PREX2: variants seen among roughly 807,000 people sequenced by gnomAD.
PREX2 encodes phosphatidylinositol 3,4,5-trisphosphate-dependent Rac exchanger 2 protein.
A neutral mutation model predicts 203.2 loss-of-function variants in PREX2; 107 were observed. The observed-to-expected ratio is 0.53, with a 90% CI of 0.45 to 0.62. PREX2 has a LOEUF of 0.62. Ranked by LOEUF, PREX2 falls within the 20% of genes least tolerant of loss-of-function variation. PREX2 has a pLI of 0.00. For synonymous variants in PREX2, 672 were observed against 663.6 expected (o/e 1.01, Z -0.19); for missense variants, 1,777 against 1,955.9 (o/e 0.91, Z 1.72).
At chr8:68,097,272 C>A in intron 22 of PREX2, 71 bp downstream of exon 22, 1 of 1,288,692 alleles carries the variant, frequency 7.8e-7, no homozygotes, top group Non-Finnish European at 1.1e-6. Flanking sequence ...CTCTCCTTCA[C>A]TTAAAAAAAT....
At chr8:68,035,363 C>G (rs1341964379) in intron 6 of PREX2, among the ~76,000 whole-genome samples, 1 of 152,132 alleles carries the variant, frequency 6.6e-6, no homozygotes, top group East Asian at 1.9e-4. Context: ...GTGAATGCAT[C>G]TAGCTCGGTT....
chr8:68,047,375 G>A (rs1808383147), intron 8 of PREX2, among the ~76,000 whole-genome samples: 1 of 148,690 alleles, frequency 6.7e-6, no homozygotes, highest in Non-Finnish European at 1.5e-5. Context: ...GTTAAATGAG[G>A]GATAAACAGA....
At chr8:68,025,085 C>T (rs139170477) in intron 4 of PREX2, among the ~76,000 whole-genome samples, 1 of 152,010 alleles carries the variant, frequency 6.6e-6, no homozygotes, top group Non-Finnish European at 1.5e-5. Context: ...TTTACCATCT[C>T]TGGTGCTCTT....
At chr8:68,177,854 C>G (rs936828433) in intron 35 of PREX2, among the ~76,000 whole-genome samples, 1 of 152,066 alleles carries the variant, frequency 6.6e-6, no homozygotes, top group Non-Finnish European at 1.5e-5. Flanking sequence ...GTGTTCTCAG[C>G]GTTTAGCTTC....
intron 20 of PREX2, among the ~76,000 whole-genome samples, chr8:68,092,812 G>A (rs1483655397): frequency 6.6e-6 from 1 of 152,008 alleles, no homozygotes; most frequent in Non-Finnish European, 1.5e-5. Context: ...TCTCACAATT[G>A]TTTTATTTTG....
intron 2 of PREX2, 66 bp downstream of exon 2, chr8:68,017,983 A>G (rs757473550): frequency 2.3e-5 from 28 of 1,200,206 alleles, no homozygotes; most frequent in Non-Finnish European, 2.8e-5. Context: ...TGCTGGTGCC[A>G]TGGTACTTCA....
chr8:68,159,718 C>G (rs1038075277), intron 35 of PREX2, among the ~76,000 whole-genome samples: 6 of 152,132 alleles, frequency 3.9e-5, no homozygotes, highest in African/African-American at 1.4e-4. Flanking sequence ...CTGATTATAT[C>G]TGAAACTATG....
At chr8:68,176,935 T>C (rs1230733970) in intron 35 of PREX2, 2 of 151,716 alleles carry the variant, frequency 1.3e-5, no homozygotes, top group Non-Finnish European at 2.9e-5. Flanking sequence ...GATTTCACAC[T>C]AGTAAACATT....
intron 1 of PREX2, among the ~76,000 whole-genome samples, chr8:68,016,910 G>T (rs896702043): frequency 6.6e-6 from 1 of 152,112 alleles, no homozygotes; most frequent in Non-Finnish European, 1.5e-5. Flanking sequence ...CACCATACTG[G>T]CTGGAAATAC....
intron 31 of PREX2, among the ~76,000 whole-genome samples, chr8:68,132,090 CTT>C (rs1163862865): frequency 2.0e-5 from 3 of 152,138 alleles, no homozygotes; most frequent in Non-Finnish European, 4.4e-5. Flanking sequence ...GAATTAGCCT[CTT>C]AAGTAAAATT....
intron 38 of PREX2, among the ~76,000 whole-genome samples, chr8:68,222,687 C>A (rs1812977827): frequency 6.6e-6 from 1 of 151,218 alleles, no homozygotes; most frequent in Non-Finnish European, 1.5e-5. Flanking sequence ...ATAGTATGTC[C>A]CTAAATATAT....
intron 23 of PREX2, chr8:68,105,723 A>AT: frequency 3.5e-5 from 5 of 143,558 alleles, no homozygotes; most frequent in Non-Finnish European, 5.7e-5. Flanking sequence ...ACATATATAT[A>AT]CACACACATA....
intron 37 of PREX2, among the ~76,000 whole-genome samples, chr8:68,213,668 G>A (rs891208550): frequency 2.0e-5 from 3 of 152,156 alleles, no homozygotes; most frequent in African/African-American, 7.2e-5. Flanking sequence ...TCTATTCTCA[G>A]TACAAAATAT....
At chr8:68,127,581 C>T (rs1041886446) in intron 31 of PREX2, among the ~76,000 whole-genome samples, 162 bp downstream of exon 31, 4 of 151,196 alleles carry the variant, frequency 2.6e-5, no homozygotes, top group African/African-American at 4.9e-5. Context: ...GTACTCACAT[C>T]ATTTTAATAA....
intron 5 of PREX2, among the ~76,000 whole-genome samples, 193 bp from the exon 6 acceptor site, chr8:68,030,304 C>T (rs1489527872): frequency 6.6e-6 from 1 of 152,130 alleles, no homozygotes; most frequent in Non-Finnish European, 1.5e-5. Context: ...ATTAAAGTGA[C>T]TGCAAAAATG....
At chr8:68,098,936 G>GTA (rs1353078022) in intron 22 of PREX2, among the ~76,000 whole-genome samples, 864 of 74,766 alleles carry the variant, frequency 0.012, 19 homozygotes, top group African/African-American at 0.038. Flanking sequence ...ACATATATAT[G>GTA]TGTATATATA....
intron 38 of PREX2, 91 bp downstream of exon 38, chr8:68,217,809 T>C: frequency 1.1e-6 from 1 of 893,328 alleles, no homozygotes; most frequent in Non-Finnish European, 1.8e-6. Flanking sequence ...GACAGGTGCC[T>C]GGATGTGATG....
intron 1 of PREX2, among the ~76,000 whole-genome samples, chr8:67,965,178 AT>A (rs540880973): frequency 9.9e-5 from 15 of 152,198 alleles, no homozygotes; most frequent in Non-Finnish European, 2.1e-4. Flanking sequence ...GGAGCCAAAG[AT>A]TACCCAGAAG....
Position 68,120,949 on chromosome 8 carries a change from G to A in PREX2, c.3624G>A (p.Leu1208=). 7 of 1,613,490 alleles carry A rather than the reference G, an allele frequency of 4.3e-6. No individual in the cohort carries two copies. The South Asian group carries it at 7.7e-5, about 18-fold the overall frequency. ...QEFQQEMEPK[L]SCPKRLRLHI... ...TTCAACAGGAAATGGAACCAAAGCT[G>A]AGTTGTCCAAAAAGGCTACGGCTTC... is the stretch of plus-strand genomic sequence containing the variant. Residue 1208 remains leucine, a synonymous_variant, in exon 30 of 40, where the codon CTG becomes CTA. Coordinates refer to ENST00000288368, the MANE Select transcript of PREX2 (RefSeq NM_024870.4).
Sources: allele counts gnomAD v4.1 joint callset (sites outside exome capture counted in the v4.1 genomes callset), GRCh38; gene constraint gnomAD v4.1.1; transcripts MANE v1.5; gene names NCBI Gene and HGNC (gene_info 2026-07-23, HGNC 2026-07-21).